Variants in LPCAT3 observed in about 807,000 individuals in gnomAD.
LPCAT3 encodes the protein lysophosphatidylcholine acyltransferase 3.
LPCAT3 carries 21 observed loss-of-function variants against 63.4 expected under a neutral mutation model. The ratio of observed to expected loss-of-function variants is 0.33; its 90% CI spans 0.23 to 0.48. The LOEUF is 0.48. Among genes scored for constraint, LPCAT3 ranks in the 20% least tolerant of loss-of-function variants. LPCAT3 has a pLI of 0.99. For missense variants in LPCAT3, 451 were observed against 590.6 expected, an observed-to-expected ratio of 0.76 and a Z score of 2.45; for synonymous variants, 242 against 227.5, an observed-to-expected ratio of 1.06 and a Z score of -0.58.
intron 1 of LPCAT3, among the ~76,000 whole-genome samples, chr12:7,015,773 C>T (rs942992894): frequency 6.6e-6 from 1 of 152,018 alleles, no homozygotes; most frequent in African/African-American, 2.4e-5. Context: ...TGCATTACAC[C>T]AAGTGTTTAT....
chr12:7,005,130 T>A (rs1946717373), intron 1 of LPCAT3, among the ~76,000 whole-genome samples: 1 of 152,202 alleles, frequency 6.6e-6, no homozygotes. Flanking sequence ...CAACCACCAA[T>A]CTATTTTCTG....
At chr12:7,011,740 TAA>T (rs1946766054) in intron 1 of LPCAT3, among the ~76,000 whole-genome samples, 2 of 151,616 alleles carry the variant, frequency 1.3e-5, no homozygotes, top group South Asian at 2.1e-4. Context: ...TGAACTAGAA[TAA>T]AGTCTAAACA....
At chr12:7,009,341 G>A (rs1204461394) in intron 1 of LPCAT3, among the ~76,000 whole-genome samples, 6 of 152,178 alleles carry the variant, frequency 3.9e-5, no homozygotes, top group Admixed American at 2.6e-4. Flanking sequence ...GATTACAGGC[G>A]TGAGCCACCG....
rs1299562850 is a variant in LPCAT3 at position 6,980,889 on chromosome 12, C to T, written c.677+115G>A. The T allele has an allele frequency of 7.6e-6, 8 of 1,047,150 alleles. No homozygotes were observed. In the Admixed American group the frequency reaches 1.6e-4, roughly 20 times the overall value. The allele number at this position is 1,047,150 out of a possible 1,614,324, so 64.9% of individuals were successfully genotyped here. A position where few individuals can be genotyped will look rare whatever the true frequency, so the allele number is the denominator to read the frequency against. The stretch of plus-strand genomic sequence containing the variant: ...AGTGCCTGTTACAACAGTCCAGGGC[C>T]TGCATGACTCAGGTCTCTATGCCAG... On this transcript the variant is annotated intron_variant, in intron 6 of 12. Transcript: ENST00000261407.
At chr12:6,979,445 C>T in intron 7 of LPCAT3, 26 bp downstream of exon 7, 1 of 1,509,140 alleles carries the variant, frequency 6.6e-7, no homozygotes, top group Non-Finnish European at 9.2e-7. Flanking sequence ...TGCAGTCATG[C>T]TGCTGCTGCT....
intron 1 of LPCAT3, among the ~76,000 whole-genome samples, chr12:7,008,840 G>T (rs1555157037): frequency 6.6e-6 from 1 of 151,826 alleles, no homozygotes; most frequent in African/African-American, 2.4e-5. Context: ...TCATGATAAT[G>T]AACATAATAA....
At chr12:7,013,303 G>A (rs1381829638) in intron 1 of LPCAT3, among the ~76,000 whole-genome samples, 1 of 152,200 alleles carries the variant, frequency 6.6e-6, no homozygotes, top group Non-Finnish European at 1.5e-5. Flanking sequence ...AGCTTGCTTG[G>A]GACGAGGCTG....
intron 1 of LPCAT3, among the ~76,000 whole-genome samples, chr12:6,989,310 C>T (rs1272841415): frequency 6.9e-6 from 1 of 144,072 alleles, no homozygotes; most frequent in Non-Finnish European, 1.5e-5. Flanking sequence ...ATTCAAAATG[C>T]GTGTTTTTTT....
intron 1 of LPCAT3, among the ~76,000 whole-genome samples, chr12:7,009,678 G>A (rs782274496): frequency 1.3e-5 from 2 of 152,184 alleles, no homozygotes; most frequent in African/African-American, 2.4e-5. Flanking sequence ...ATGATCTTGG[G>A]TCAAGCATGG....
intron 3 of LPCAT3, 103 bp downstream of exon 3, chr12:6,982,573 T>C: frequency 1.2e-6 from 1 of 818,956 alleles, no homozygotes; most frequent in Non-Finnish European, 2.0e-6. Context: ...GGAGAGGGGT[T>C]AGAAATTAGG....
rs782101579 is a variant in LPCAT3 at position 7,018,474 on chromosome 12, T to C, written c.-50A>G. On this transcript the variant is annotated 5_prime_UTR_variant, in exon 1 of 13. Transcript: ENST00000261407. The surrounding 1 kb of genome is among the most constrained non-coding windows in gnomAD (Gnocchi z 4.9). ...ACCCCCCAGCTCCGCGCGCCCCGAATGCGGGCAAAACGCTATCGCTTCACC... is the reference window on the plus strand; with the variant it reads ...ACCCCCCAGCTCCGCGCGCCCCGAACGCGGGCAAAACGCTATCGCTTCACC... 8.7e-6 allele frequency: 13 copies of C among 1,485,760 alleles called. No individual in the cohort carries two copies. The highest frequency in any genetic ancestry group is 7.7e-5 in the South Asian group (6 of 77,596). The allele number at this position is 1,485,760 out of a possible 1,614,324, so 92.0% of individuals were successfully genotyped here.
At chr12:7,009,464 T>A (rs1946747857) in intron 1 of LPCAT3, among the ~76,000 whole-genome samples, 1 of 152,206 alleles carries the variant, frequency 6.6e-6, no homozygotes, top group South Asian at 2.1e-4. Context: ...GTAATAAGTA[T>A]AACCTGGCTT....
intron 1 of LPCAT3, among the ~76,000 whole-genome samples, chr12:6,999,702 G>A (rs1271163006): frequency 6.6e-6 from 1 of 152,170 alleles, no homozygotes; most frequent in Non-Finnish European, 1.5e-5. Flanking sequence ...AGTAGAACAG[G>A]TGCAACAGAT....
Position 6,981,043 on chromosome 12 carries a change from T to C in LPCAT3, c.638A>G (p.Gln213Arg). The C allele has an allele frequency of 6.2e-7, 1 of 1,610,642 alleles. No individual in the cohort carries two copies. Among genetic ancestry groups the C allele is most frequent in the Non-Finnish European group, 8.5e-7 (1 of 1,178,720 alleles). ...FSMNHYMKLV[Q>R]GELIDIPGKI... ...TCCTGGTATGTCAATCAGCTCTCCC[T>C]GCACCAGCTTCATGTAGTGATTCAT... Residue 213 changes from glutamine (Q) to arginine (R), a missense_variant, in exon 6 of 13, where the codon CAG becomes CGG. Physicochemically the swap from Gln to Arg is conservative, Grantham distance 43. Around this residue, in one of 3 missense-constraint regions of LPCAT3, gnomAD observed 304 missense variants for 390.8 expected, o/e 0.78. Transcript: ENST00000261407.
At chr12:6,983,629 C>A in intron 1 of LPCAT3, 90 bp from the exon 2 acceptor site, 3 of 766,466 alleles carry the variant, frequency 3.9e-6, no homozygotes, top group Non-Finnish European at 6.7e-6. Flanking sequence ...AAACGCAGCC[C>A]AGAGGGAGAG....
intron 1 of LPCAT3, among the ~76,000 whole-genome samples, chr12:6,986,785 G>C (rs1946530537): frequency 8.7e-6 from 1 of 115,496 alleles, no homozygotes; most frequent in African/African-American, 3.5e-5. Context: ...GACAGAGTGA[G>C]ACTCTGTCTC....
At chr12:7,008,467 G>A (rs1470501859) in intron 1 of LPCAT3, among the ~76,000 whole-genome samples, 1 of 152,116 alleles carries the variant, frequency 6.6e-6, no homozygotes, top group Non-Finnish European at 1.5e-5. Flanking sequence ...TTTTGTTAAA[G>A]CTACAAGTCA....
At chr12:7,000,855 C>T (rs74571991) in intron 1 of LPCAT3, among the ~76,000 whole-genome samples, 7 of 151,614 alleles carry the variant, frequency 4.6e-5, no homozygotes, top group Non-Finnish European at 1.0e-4. Context: ...TACAGGTGCC[C>T]GCCACCACGC....
In LPCAT3 at chr12:7,001,896, G is replaced by A. The variant is rs782547054; in HGVS notation, c.151+16378C>T. Among the ~76,000 whole-genome samples the A allele has an allele frequency of 5.3e-5, 8 of 152,260 alleles. No homozygotes were observed. In the East Asian group the frequency reaches 1.2e-3, roughly 22 times the overall value. On this transcript the variant is annotated intron_variant, in intron 1 of 12. Transcript: ENST00000261407. Reference sequence around the variant, plus strand: ...AGTCCATATGAGGCAAGAACAGAACGCAGCCAGAATTAGGGCAGGCAGGGA... The same window carrying A: ...AGTCCATATGAGGCAAGAACAGAACACAGCCAGAATTAGGGCAGGCAGGGA...
Sources: allele counts gnomAD v4.1 joint callset (sites outside exome capture counted in the v4.1 genomes callset), GRCh38; gene constraint gnomAD v4.1.1; regional missense constraint gnomAD v4.1.1; non-coding constraint Gnocchi (gnomAD v3.1); transcripts MANE v1.5; gene names NCBI Gene and HGNC (gene_info 2026-07-23, HGNC 2026-07-21).